FHIT: variants seen among roughly 807,000 people sequenced by gnomAD.
FHIT encodes bis(5'-adenosyl)-triphosphatase.
In FHIT, 19 loss-of-function variants were observed where a neutral mutation model predicts 17.9. That is an observed-to-expected ratio of 1.06 (90% CI 0.74 to 1.56). FHIT has a LOEUF of 1.56. Ranked by LOEUF, FHIT falls within the 40% of genes most tolerant of loss-of-function variation. The pLI, the probability that FHIT is intolerant of heterozygous loss-of-function variation, is 0.00. For missense variants in FHIT, 248 were observed against 189.2 expected (o/e 1.31, Z -1.82); for synonymous variants, 81 against 69.7 (o/e 1.16, Z -0.81).
chr3:60,980,452 A>G (rs564053861), intron 3 of FHIT, among the ~76,000 whole-genome samples: 1 of 152,326 alleles, frequency 6.6e-6, no homozygotes, highest in East Asian at 1.9e-4. Flanking sequence ...CTAGAATCTG[A>G]TGTGAGCCAC....
chr3:60,866,827 G>A (rs1704184559), intron 3 of FHIT, among the ~76,000 whole-genome samples: 1 of 152,124 alleles, frequency 6.6e-6, no homozygotes, highest in African/African-American at 2.4e-5. Flanking sequence ...TTGCACACAA[G>A]CACCAAGTCA....
intron 8 of FHIT, among the ~76,000 whole-genome samples, chr3:59,855,993 A>G (rs1018260662): frequency 3.9e-5 from 6 of 152,014 alleles, no homozygotes; most frequent in African/African-American, 7.2e-5. Flanking sequence ...GTGTTAGCCA[A>G]GATGGTCTTG....
intron 3 of FHIT, among the ~76,000 whole-genome samples, chr3:60,903,546 T>C (rs1360771297): frequency 3.9e-5 from 6 of 152,202 alleles, no homozygotes; most frequent in African/African-American, 1.4e-4. Context: ...AATTCAGTTA[T>C]AAAAACCATC....
chr3:61,204,111 T>C (rs918799032), intron 1 of FHIT, among the ~76,000 whole-genome samples: 1 of 152,236 alleles, frequency 6.6e-6, no homozygotes, highest in African/African-American at 2.4e-5. Context: ...ATACATATTA[T>C]TCTATTTGTA....
intron 3 of FHIT, among the ~76,000 whole-genome samples, chr3:60,880,993 T>C (rs1242493034): frequency 6.6e-6 from 1 of 152,188 alleles, no homozygotes; most frequent in Non-Finnish European, 1.5e-5. Context: ...ACTGACTTAA[T>C]TGATTTAAAA....
intron 5 of FHIT, among the ~76,000 whole-genome samples, chr3:60,052,492 T>A (rs1701921825): frequency 6.6e-6 from 1 of 152,068 alleles, no homozygotes; most frequent in Non-Finnish European, 1.5e-5. Context: ...TGTCTACAGT[T>A]TTTCTTTTAC....
intron 5 of FHIT, among the ~76,000 whole-genome samples, chr3:60,195,724 A>G (rs1460719217): frequency 6.6e-6 from 1 of 151,258 alleles, no homozygotes; most frequent in Non-Finnish European, 1.5e-5. Context: ...TGTCTTTTGC[A>G]GCAACTTTCA....
intron 5 of FHIT, among the ~76,000 whole-genome samples, chr3:60,405,039 C>T (rs762224800): frequency 6.6e-6 from 1 of 152,202 alleles, no homozygotes; most frequent in Non-Finnish European, 1.5e-5. Flanking sequence ...GTCCTCCACT[C>T]CCATCCCACT....
chr3:61,186,320 G>C (rs551590492), intron 2 of FHIT, among the ~76,000 whole-genome samples: 1 of 152,318 alleles, frequency 6.6e-6, no homozygotes, highest in South Asian at 2.1e-4. Context: ...GCAAGATTAA[G>C]TAGAATTAAG....
At chr3:60,044,714 C>T (rs1164730893) in intron 5 of FHIT, among the ~76,000 whole-genome samples, 1 of 152,052 alleles carries the variant, frequency 6.6e-6, no homozygotes, top group Non-Finnish European at 1.5e-5. Flanking sequence ...AGATTGTATA[C>T]CTCATTCCAC....
At chr3:61,140,886 C>A (rs2037061642) in intron 2 of FHIT, among the ~76,000 whole-genome samples, 1 of 152,098 alleles carries the variant, frequency 6.6e-6, no homozygotes, top group Non-Finnish European at 1.5e-5. Flanking sequence ...AAGTATATGC[C>A]ATTCTTATCT....
chr3:60,200,181 C>T (rs763984586), intron 5 of FHIT, among the ~76,000 whole-genome samples: 37 of 152,212 alleles, frequency 2.4e-4, no homozygotes, highest in African/African-American at 8.7e-4. Context: ...TGGGTCCAGG[C>T]TATAAAGGCA....
chr3:60,943,724 G>A (rs1708513202), intron 3 of FHIT, among the ~76,000 whole-genome samples: 1 of 152,094 alleles, frequency 6.6e-6, no homozygotes, highest in Non-Finnish European at 1.5e-5. Context: ...AAGCATTGCT[G>A]TATCTATCTT....
intron 8 of FHIT, among the ~76,000 whole-genome samples, chr3:59,914,362 G>A (rs1370139882): frequency 2.0e-5 from 3 of 152,214 alleles, no homozygotes; most frequent in South Asian, 4.2e-4. Context: ...GAACACTCAA[G>A]CCGGGATTCT....
intron 8 of FHIT, among the ~76,000 whole-genome samples, chr3:59,753,133 G>T (rs1356272606): frequency 1.3e-5 from 2 of 151,142 alleles, no homozygotes; most frequent in African/African-American, 4.8e-5. Context: ...ACTCTCTTTG[G>T]TTTAGACTCT....
chr3:59,779,673 G>A (rs531605124), intron 8 of FHIT, among the ~76,000 whole-genome samples: 2 of 151,930 alleles, frequency 1.3e-5, no homozygotes, highest in Admixed American at 6.6e-5. Context: ...ACACTGATCC[G>A]GGCATACGAG....
intron 5 of FHIT, among the ~76,000 whole-genome samples, chr3:60,448,163 G>C (rs1559922064): frequency 6.6e-6 from 1 of 152,144 alleles, no homozygotes; most frequent in East Asian, 1.9e-4. Flanking sequence ...GATCTCTTGA[G>C]AGGGCTTTAG....
At chr3:61,148,699 A>G (rs2037298390) in intron 2 of FHIT, among the ~76,000 whole-genome samples, 1 of 152,202 alleles carries the variant, frequency 6.6e-6, no homozygotes, top group Non-Finnish European at 1.5e-5. Context: ...CATATGCAAT[A>G]ATTTCTCTTG....
intron 3 of FHIT, among the ~76,000 whole-genome samples, chr3:60,844,809 T>G (rs904137414): frequency 2.6e-5 from 4 of 152,102 alleles, no homozygotes; most frequent in South Asian, 2.1e-4. Flanking sequence ...TGTTTTTCAT[T>G]TTCTTGATTT....
Sources: allele counts gnomAD v4.1 joint callset (sites outside exome capture counted in the v4.1 genomes callset), GRCh38; gene constraint gnomAD v4.1.1; transcripts MANE v1.5; gene names NCBI Gene and HGNC (gene_info 2026-07-23, HGNC 2026-07-21).